The following CTNNA2 variants were observed in gnomAD, a reference collection of about 807,000 sequenced individuals.
The protein encoded by CTNNA2 is catenin alpha-2.
In CTNNA2, 42 loss-of-function variants were observed where a neutral mutation model predicts 101.0. The ratio of observed to expected loss-of-function variants is 0.42; its 90% CI spans 0.32 to 0.54. The LOEUF is 0.54. CTNNA2 is among the 20% of genes least tolerant of loss of function. CTNNA2 has a pLI of 0.14. For synonymous variants in CTNNA2, 450 were observed against 456.4 expected, an observed-to-expected ratio of 0.99 and a Z score of 0.18; for missense variants, 871 against 1,223.1, an observed-to-expected ratio of 0.71 and a Z score of 4.29.
chr2:80,590,039 A>G (rs553547268), intron 15 of CTNNA2, among the ~76,000 whole-genome samples: 21 of 152,372 alleles, frequency 1.4e-4, no homozygotes, highest in Middle Eastern at 6.8e-3. Context: ...TTTCACAGAG[A>G]AATTAAAGTT....
chr2:79,382,232 C>T (rs144959523), intron 4 of CTNNA2, among the ~76,000 whole-genome samples: 1 of 152,126 alleles, frequency 6.6e-6, no homozygotes, highest in East Asian at 2.0e-4. Flanking sequence ...ACTTATACCA[C>T]TGGCTTTTCT....
At chr2:80,018,642 GTGGTGGC>G (rs1694321952) in intron 7 of CTNNA2, among the ~76,000 whole-genome samples, 1 of 152,034 alleles carries the variant, frequency 6.6e-6, no homozygotes, top group Non-Finnish European at 1.5e-5. Flanking sequence ...TTAGCCGGGC[GTGGTGGC>G]ACGTGCCTGT....
At chr2:80,252,084 T>C (rs1393283315) in intron 7 of CTNNA2, among the ~76,000 whole-genome samples, 1 of 152,224 alleles carries the variant, frequency 6.6e-6, no homozygotes, top group Non-Finnish European at 1.5e-5. Flanking sequence ...GCATGTTGCT[T>C]AGACCTCTAT....
intron 2 of CTNNA2, among the ~76,000 whole-genome samples, chr2:79,238,001 C>T (rs1352925631): frequency 1.3e-5 from 2 of 152,282 alleles, no homozygotes; most frequent in Admixed American, 1.3e-4. Context: ...TGAACTTTTC[C>T]TTCGCATTCA....
intron 2 of CTNNA2, among the ~76,000 whole-genome samples, chr2:79,724,851 AAAT>A (rs1686726272): frequency 6.6e-6 from 1 of 151,248 alleles, no homozygotes; most frequent in Non-Finnish European, 1.5e-5. Flanking sequence ...AAGAAAAAAG[AAAT>A]AATGAGTGAG....
At chr2:80,056,553 G>T (rs76822723) in intron 7 of CTNNA2, among the ~76,000 whole-genome samples, 1 of 152,156 alleles carries the variant, frequency 6.6e-6, no homozygotes, top group African/African-American at 2.4e-5. Flanking sequence ...AAGCCTCAGC[G>T]ATCCTTACAC....
At chr2:79,284,532 C>T (rs1250412632) in intron 2 of CTNNA2, among the ~76,000 whole-genome samples, 1 of 151,690 alleles carries the variant, frequency 6.6e-6, no homozygotes, top group East Asian at 2.0e-4. Flanking sequence ...TGGTTTTTGT[C>T]TTCGGCTCTG....
At chr2:79,430,879 TG>T (rs11330541) in intron 4 of CTNNA2, among the ~76,000 whole-genome samples, 48,281 of 151,974 alleles carry the variant, frequency 0.32, 7,782 homozygotes, top group South Asian at 0.44. Flanking sequence ...CATTATATTG[TG>T]TACACTATTT....
chr2:79,817,531 G>A (rs1261367823), intron 3 of CTNNA2, among the ~76,000 whole-genome samples: 1 of 151,868 alleles, frequency 6.6e-6, no homozygotes, highest in Non-Finnish European at 1.5e-5. Flanking sequence ...ATTGAACCAT[G>A]TGTTGTATCT....
intron 1 of CTNNA2, among the ~76,000 whole-genome samples, chr2:79,638,482 A>T (rs1680229888): frequency 6.6e-6 from 1 of 152,232 alleles, no homozygotes. Context: ...AAAGACTTCT[A>T]GGCAAATATA....
intron 3 of CTNNA2, among the ~76,000 whole-genome samples, chr2:79,834,030 GT>G (rs1679126974): frequency 6.6e-6 from 1 of 152,050 alleles, no homozygotes; most frequent in Non-Finnish European, 1.5e-5. Flanking sequence ...ATGTTTCCAA[GT>G]TTTGCTTGAA....
intron 9 of CTNNA2, among the ~76,000 whole-genome samples, chr2:80,453,121 C>G (rs1683661007): frequency 6.6e-6 from 1 of 152,044 alleles, no homozygotes. Flanking sequence ...GGAGCTAAAT[C>G]CAAGCATAGA....
chr2:79,711,182 G>A (rs187454520), intron 2 of CTNNA2, among the ~76,000 whole-genome samples: 168 of 152,274 alleles, frequency 1.1e-3, no homozygotes, highest in African/African-American at 3.6e-3. Context: ...GAAAACCTAT[G>A]GCAGTCTCTC....
intron 8 of CTNNA2, among the ~76,000 whole-genome samples, chr2:80,406,418 G>A (rs1264929106): frequency 5.3e-5 from 8 of 152,054 alleles, no homozygotes; most frequent in Admixed American, 2.6e-4. Flanking sequence ...CCAAGGGGCA[G>A]GGAGAAGTCA....
chr2:80,633,771 TATACCTAGCAAAC>T (rs1672550311), intron 18 of CTNNA2, among the ~76,000 whole-genome samples: 1 of 152,218 alleles, frequency 6.6e-6, no homozygotes, highest in Admixed American at 6.5e-5. Flanking sequence ...GCACCAGCAC[TATACCTAGCAAAC>T]ATAATTCTGT....
chr2:79,768,007 C>G (rs1044383621), intron 3 of CTNNA2, among the ~76,000 whole-genome samples: 1 of 151,626 alleles, frequency 6.6e-6, no homozygotes, highest in Non-Finnish European at 1.5e-5. Flanking sequence ...CACTAGGACT[C>G]GGTTTATTTA....
At chr2:79,944,691 A>G (rs1377212626) in intron 7 of CTNNA2, among the ~76,000 whole-genome samples, 6 of 152,220 alleles carry the variant, frequency 3.9e-5, no homozygotes, top group Non-Finnish European at 7.3e-5. Flanking sequence ...ATATACCAAC[A>G]TCTAAGCACA....
chr2:79,392,672 A>G (rs1461692071), intron 4 of CTNNA2, among the ~76,000 whole-genome samples: 1 of 152,130 alleles, frequency 6.6e-6, no homozygotes, highest in African/African-American at 2.4e-5. Flanking sequence ...CTGCTTTCTC[A>G]GGTTATTTTT....
Position 79,274,570 on chromosome 2 carries a change from A to C in CTNNA2, c.-405-38139A>C, listed in dbSNP as rs376371938. Among the ~76,000 whole-genome samples the C allele has an allele frequency of 7.2e-5, 11 of 152,192 alleles. No homozygotes were observed. In the East Asian group the frequency reaches 9.7e-4, roughly 13 times the overall value. On this transcript the variant is annotated intron_variant, in intron 2 of 21. Transcript: ENST00000466387. ...CTTCTCTAATGTTTTACTATATATCATTCAAGTATTTTTTGAAATGATATG... is the reference window on the plus strand; with the variant it reads ...CTTCTCTAATGTTTTACTATATATCCTTCAAGTATTTTTTGAAATGATATG...
Sources: allele counts gnomAD v4.1 joint callset (sites outside exome capture counted in the v4.1 genomes callset), GRCh38; gene constraint gnomAD v4.1.1; transcripts MANE v1.5; gene names NCBI Gene and HGNC (gene_info 2026-07-23, HGNC 2026-07-21).